Variants in GGTA1 observed in about 807,000 individuals in gnomAD.
GGTA1 encodes inactive N-acetyllactosaminide alpha-1,3-galactosyltransferase.
A neutral mutation model predicts 2.6 loss-of-function variants in GGTA1; 5 were observed. That is an observed-to-expected ratio of 1.92 (90% confidence interval 1.00 to 4.04). GGTA1 has a LOEUF of 4.04. Among genes scored for constraint, GGTA1 ranks in the 30% most tolerant of loss-of-function variants. The probability of loss-of-function intolerance (pLI) is 0.00; values close to 1 mark genes in which losing one functional copy is unlikely to be tolerated. For synonymous variants in GGTA1, 17 were observed against 5.0 expected, an observed-to-expected ratio of 3.38 and a Z score of -3.19; for missense variants, 50 against 16.7, an observed-to-expected ratio of 2.99 and a Z score of -3.47.
intron 2 of GGTA1, among the ~76,000 whole-genome samples, chr9:121,467,473 A>G (rs563391383): frequency 2.6e-4 from 39 of 152,222 alleles, no homozygotes; most frequent in Non-Finnish European, 4.4e-4. Context: ...TTCAAAATTC[A>G]GGGTGGATTT....
intron 1 of GGTA1, among the ~76,000 whole-genome samples, chr9:121,484,342 T>C (rs1828713056): frequency 2.0e-5 from 3 of 152,104 alleles, no homozygotes; most frequent in African/African-American, 4.8e-5. Context: ...AGTCATCTGT[T>C]TTTCCCTTCT....
chr9:121,480,670 C>G (rs978889615), intron 1 of GGTA1, among the ~76,000 whole-genome samples: 1 of 152,134 alleles, frequency 6.6e-6, no homozygotes, highest in Non-Finnish European at 1.5e-5. Flanking sequence ...ACAGCTTCCG[C>G]CTCTTAAGGG....
rs550696036 is a variant in GGTA1 at position 121,494,137 on chromosome 9, A to T, written c.-10+5513T>A. 2.5e-4 allele frequency among the ~76,000 whole-genome samples: 38 copies of T among 152,186 alleles called. No homozygotes were observed. In the East Asian group the frequency reaches 3.7e-3, roughly 15 times the overall value. ...AGTTAGACCCATGCTTTTCCCTGCC[A>T]TTCATATCTGTCAGCCACACAGGGT... On this transcript the variant is annotated intron_variant, in intron 1 of 5. Transcript: ENST00000481799.
chr9:121,486,501 C>T (rs1161547869), intron 1 of GGTA1, among the ~76,000 whole-genome samples: 1 of 152,210 alleles, frequency 6.6e-6, no homozygotes, highest in African/African-American at 2.4e-5. Context: ...AGGGAAGGCC[C>T]CACAACCCTC....
chr9:121,496,757 A>AAAAAAAAAAAAAAAAAGAGAG (rs1554838784), intron 1 of GGTA1, among the ~76,000 whole-genome samples: 1 of 111,914 alleles, frequency 8.9e-6, no homozygotes, highest in African/African-American at 2.9e-5. Flanking sequence ...AAAAAAAAAA[A>AAAAAAAAAAAAAAAAAGAGAG]AGAGAGAGAG....
At chr9:121,484,245 T>C (rs1173146597) in intron 1 of GGTA1, among the ~76,000 whole-genome samples, 7 of 152,198 alleles carry the variant, frequency 4.6e-5, no homozygotes, top group African/African-American at 1.2e-4. Context: ...ATGTATATTT[T>C]ATGACAATTA....
intron 1 of GGTA1, among the ~76,000 whole-genome samples, chr9:121,480,392 T>G (rs542293059): frequency 1.3e-5 from 2 of 152,198 alleles, no homozygotes; most frequent in African/African-American, 4.8e-5. Flanking sequence ...AGCTAAAACT[T>G]TTTCAAAAAG....
At chr9:121,464,656 G>A (rs1272281596) in intron 2 of GGTA1, among the ~76,000 whole-genome samples, 3 of 151,930 alleles carry the variant, frequency 2.0e-5, no homozygotes, top group Admixed American at 1.3e-4. Context: ...AAAAAGAATC[G>A]GAGGTAATGC....
chr9:121,475,071 G>T (rs962479325), intron 1 of GGTA1, among the ~76,000 whole-genome samples: 3 of 152,118 alleles, frequency 2.0e-5, no homozygotes, highest in African/African-American at 7.2e-5. Flanking sequence ...ATTCCCAGAT[G>T]GTTAAGGCAT....
downstream of GGTA1, chr9:121,452,342 T>C (rs2064882279): frequency 6.6e-6 from 1 of 152,542 alleles, no homozygotes; most frequent in Admixed American, 6.6e-5. Flanking sequence ...GGGCAGAGAC[T>C]GTCCAAGGAT....
chr9:121,453,574 C>G (rs2064889675), downstream of GGTA1, among the ~76,000 whole-genome samples: 1 of 152,208 alleles, frequency 6.6e-6, no homozygotes, highest in Non-Finnish European at 1.5e-5. Context: ...CAGTATGGGC[C>G]TGGCACCCTG....
rs1209376507 is a variant in GGTA1 at position 121,467,925 on chromosome 9, T to A, written c.-3A>T. On this transcript the variant is annotated 5_prime_UTR_variant, in exon 2 of 6. Transcript: ENST00000481799. ...ATTACTTTTCCTTTGACATTCATTA[T>A]TTTCTCCTAGGAAAAAAGAAGAGGG... 5 of 456,088 alleles carry A rather than the reference T, an allele frequency of 1.1e-5. No homozygotes were observed. Among genetic ancestry groups the A allele is most frequent in the Non-Finnish European group, 2.2e-5 (5 of 226,834 alleles). 28.3% of individuals were successfully genotyped at this position (456,088 alleles called of 1,614,324 possible).
chr9:121,485,065 G>A (rs762192566), intron 1 of GGTA1, among the ~76,000 whole-genome samples: 3 of 152,160 alleles, frequency 2.0e-5, no homozygotes, highest in Admixed American at 6.6e-5. Flanking sequence ...AAAATAGTCC[G>A]GTGTAGAATG....
At chr9:121,482,125 G>C (rs1828666975) in intron 1 of GGTA1, among the ~76,000 whole-genome samples, 1 of 151,930 alleles carries the variant, frequency 6.6e-6, no homozygotes, top group Admixed American at 6.6e-5. Flanking sequence ...CCCAATCCCA[G>C]GCACCACAAA....
chr9:121,446,020 T>A (rs939300749), exon 8 of GGTA1: 2 of 152,138 alleles, frequency 1.3e-5, no homozygotes, highest in African/African-American at 4.8e-5. Context: ...AGTTGCAGAG[T>A]CTGGTAGACT....
chr9:121,450,409 G>T (rs2064872901), downstream of GGTA1, among the ~76,000 whole-genome samples: 1 of 152,052 alleles, frequency 6.6e-6, no homozygotes, highest in African/African-American at 2.4e-5. Flanking sequence ...ACTGCAGTTG[G>T]CTCCATGCAT....
chr9:121,446,779 T>C (rs540527050), exon 8 of GGTA1: 1 of 152,304 alleles, frequency 6.6e-6, no homozygotes, highest in Non-Finnish European at 1.5e-5. Context: ...CAAGGAGGAA[T>C]GGTATGTTTT....
At chr9:121,469,002 A>T (rs571319930) in intron 1 of GGTA1, among the ~76,000 whole-genome samples, 2 of 152,270 alleles carry the variant, frequency 1.3e-5, no homozygotes, top group South Asian at 4.1e-4. Flanking sequence ...TGGGTTTACA[A>T]GCTAGGCCCC....
intron 1 of GGTA1, among the ~76,000 whole-genome samples, chr9:121,498,446 C>T (rs1232255369): frequency 6.6e-6 from 1 of 152,190 alleles, no homozygotes; most frequent in Non-Finnish European, 1.5e-5. Context: ...GCAGAATAAC[C>T]CTGTCCTCCA....
Sources: allele counts gnomAD v4.1 joint callset (sites outside exome capture counted in the v4.1 genomes callset), GRCh38; gene constraint gnomAD v4.1.1; transcripts MANE v1.5; gene names NCBI Gene and HGNC (gene_info 2026-07-23, HGNC 2026-07-21).